SCN4A: variants seen among roughly 807,000 people sequenced by gnomAD.
The protein encoded by SCN4A is sodium voltage-gated channel alpha subunit 4.
SCN4A carries 83 observed loss-of-function variants against 162.0 expected under a neutral mutation model. The observed-to-expected ratio is 0.51, with a 90% CI of 0.43 to 0.61. The LOEUF (loss-of-function observed/expected upper bound fraction) is 0.61, where lower values mean the gene tolerates loss of function less well. Ranked by LOEUF, SCN4A falls within the 20% of genes least tolerant of loss-of-function variation. SCN4A has a pLI of 0.00. For missense variants in SCN4A, 2,196 were observed against 2,462.5 expected (o/e 0.89, Z 2.29); for synonymous variants, 944 against 985.1 (o/e 0.96, Z 0.78).
chr17:63,947,008 A>AAACCC, intron 18 of SCN4A, 37 bp downstream of exon 18: 191 of 782,000 alleles, frequency 2.4e-4, no homozygotes, highest in Non-Finnish European at 2.6e-4. Context: ...CCGGTCCCCC[A>AAACCC]TCCCCAGCCC....
chr17:63,945,555 G>A lies in SCN4A; in HGVS notation c.3525C>T (p.Ser1175=), dbSNP rs750868036. ...CGGCAAACAGGTTGACACCCATGAT[G>A]CTGAAGATCAGCCAGAAGATGAGGC... ...LVCLIFWLIF[S]IMGVNLFAGK... The change falls in exon 19 of 24, where the codon AGC becomes AGT. Residue 1175 remains serine, a synonymous_variant. Coordinates refer to ENST00000435607, the MANE Select transcript of SCN4A (RefSeq NM_000334.4). The surrounding 1 kb of genome is among the most constrained non-coding windows in gnomAD (Gnocchi z 4.4). 5.6e-6 allele frequency: 9 copies of A among 1,614,020 alleles called. No individual in the cohort carries two copies. In the Admixed American group the frequency reaches 1.3e-4, roughly 24 times the overall value.
Position 63,957,149 on chromosome 17 carries a change from C to T in SCN4A, c.2376+13G>A. The T allele has an allele frequency of 6.5e-7, 1 of 1,548,962 alleles. No individual in the cohort carries two copies. ...CGGGTGAGGGCAGGGGCCACCCAGC[C>T]AGCCTCACTCACCACAAGATTGCCG... On this transcript the variant is annotated intron_variant, in intron 13 of 23. Transcript: ENST00000435607.
rs1236231890 is a variant in SCN4A at position 63,957,429 on chromosome 17, C to G, written c.2109G>C (p.Leu703=). 1.2e-6 allele frequency: 2 copies of G among 1,614,082 alleles called. No individual in the cohort carries two copies. Among genetic ancestry groups the G allele is most frequent in the Non-Finnish European group, 1.7e-6 (2 of 1,179,940 alleles). The part of the protein sequence containing the change: ...IGNSVGALGN[L]TLVLAIIVFI... The stretch of plus-strand genomic sequence containing the variant: ...ACACGATGATAGCCAGCACCAGCGT[C>G]AGGTTACCCAGCGCCCCCACTGAAT... The change falls in exon 13 of 24, where the codon CTG becomes CTC. Residue 703 remains leucine (L), a synonymous_variant. Transcript: ENST00000435607.
rs868339303 is a variant in SCN4A at position 63,951,471 on chromosome 17, G to A, written c.2806C>T (p.Pro936Ser). 1 of 1,608,308 alleles carries A rather than the reference G, an allele frequency of 6.2e-7. No homozygotes were observed. Among genetic ancestry groups the A allele is most frequent in the Non-Finnish European group, 8.5e-7 (1 of 1,175,156 alleles). The change falls in exon 14 of 24, where the codon CCC becomes TCC. Residue 936 changes from proline to serine, a missense_variant. Coordinates refer to ENST00000435607, the MANE Select transcript of SCN4A (RefSeq NM_000334.4). This position sits in a 1 kb window ranked among gnomAD's most constrained non-coding sequence, Gnocchi z 4.5. ...AAAGTGTCGGTTTCCTCCTCGGTGG[G>A]CATCTCCAGGTCGGACTCCTCGGAG... ...IASEESDLEM[P>S]TEEETDTFSE...
rs115374090 is a variant in SCN4A at position 63,968,659 on chromosome 17, A to G, written c.704-304T>C. On this transcript the variant is annotated intron_variant, in intron 5 of 23. Coordinates refer to ENST00000435607, the MANE Select transcript of SCN4A (RefSeq NM_000334.4). ...CAGCAGAGCTTAATACATGTCACTAAGTTAGCGCTGTCAAAGTGTGTTCAA... is the reference window on the plus strand; with the variant it reads ...CAGCAGAGCTTAATACATGTCACTAGGTTAGCGCTGTCAAAGTGTGTTCAA... Among the ~76,000 whole-genome samples, 80 of 152,290 alleles carry G rather than the reference A, an allele frequency of 5.3e-4. 2 individuals are homozygous for G. The highest frequency in any genetic ancestry group is 1.8e-3 in the African/African-American group (75 of 41,548).
At chr17:63,949,292 G>T in intron 15 of SCN4A, 101 bp downstream of exon 15, 2 of 1,292,836 alleles carry the variant, frequency 1.5e-6, no homozygotes, top group Non-Finnish European at 2.1e-6. Flanking sequence ...GGATGGCCAG[G>T]CAGCCCCAGG....
Position 63,945,273 on chromosome 17 carries a change from G to T in SCN4A, c.3720+87C>A. ...AGGGTGGGCGGTCCCCTAACCAGGA[G>T]TGACACTGGGGTTGGGTACAACGAG... On this transcript the variant is annotated intron_variant, in intron 19 of 23. Coordinates refer to ENST00000435607, the MANE Select transcript of SCN4A (RefSeq NM_000334.4). The surrounding 1 kb of genome is among the most constrained non-coding windows in gnomAD (Gnocchi z 4.4). The T allele has an allele frequency of 8.0e-7, 1 of 1,245,120 alleles. No individual in the cohort carries two copies. The highest frequency in any genetic ancestry group is 1.4e-5 in the South Asian group (1 of 73,484). The allele number at this position is 1,245,120 out of a possible 1,614,324, so 77.1% of individuals were successfully genotyped here.
chr17:63,940,750 G>A lies in SCN4A; in HGVS notation c.*21C>T. On this transcript the variant is annotated 3_prime_UTR_variant, in exon 24 of 24. Transcript: ENST00000435607. ...TCTGGGGACTATGCCGAGACTCAGT[G>A]GGCCACCCCGATGCTGCCTGCTAGA... The A allele has an allele frequency of 6.5e-7, 1 of 1,537,784 alleles. No individual in the cohort carries two copies. The highest frequency in any genetic ancestry group is 8.8e-7 in the Non-Finnish European group (1 of 1,141,588).
intron 13 of SCN4A, among the ~76,000 whole-genome samples, chr17:63,956,472 A>G (rs1345022187): frequency 6.6e-6 from 1 of 152,048 alleles, no homozygotes; most frequent in Non-Finnish European, 1.5e-5. Context: ...GCTGGTCTTG[A>G]ACTCCTGGCC....
Position 63,951,652 on chromosome 17 carries a change from G to A in SCN4A, c.2625C>T (p.Pro875=), listed in dbSNP as rs533858326. The A allele has an allele frequency of 4.4e-6, 7 of 1,602,088 alleles. 1 individual carries two copies. The East Asian group carries it at 6.8e-5, about 16-fold the overall frequency. The change falls in exon 14 of 24, where the codon CCC becomes CCT. Residue 875 remains proline, a synonymous_variant. Transcript: ENST00000435607. This position sits in a 1 kb window ranked among gnomAD's most constrained non-coding sequence, Gnocchi z 4.5. ...GEAGEAGETA[P]EDEKKEPPEE... ...CGGGCGGCTCCTTCTTCTCATCCTC[G>A]GGGGCAGTCTCCCCCGCCTCTCCAG...
chr17:63,957,559 C>G (rs1160648363), intron 12 of SCN4A, 41 bp from the exon 13 acceptor site: 6 of 1,439,102 alleles, frequency 4.2e-6, no homozygotes, highest in Non-Finnish European at 5.8e-6. Context: ...GGCCCAGGGA[C>G]CACCACCCAA....
chr17:63,958,014 A>AAAAAAAG (rs2083903617), intron 12 of SCN4A, among the ~76,000 whole-genome samples: 1 of 150,668 alleles, frequency 6.6e-6, no homozygotes, highest in African/African-American at 2.5e-5. Context: ...AAAAAAAAAA[A>AAAAAAAG]AAAAAGAAAA....
chr17:63,951,225 C>G lies in SCN4A; in HGVS notation c.2853+199G>C, dbSNP rs533895286. Among the ~76,000 whole-genome samples the G allele has an allele frequency of 3.9e-5, 6 of 152,208 alleles. No individual in the cohort carries two copies. The highest frequency in any genetic ancestry group is 8.8e-5 in the Non-Finnish European group (6 of 68,032). On this transcript the variant is annotated intron_variant, in intron 14 of 23. Coordinates refer to ENST00000435607, the MANE Select transcript of SCN4A (RefSeq NM_000334.4). This position sits in a 1 kb window ranked among gnomAD's most constrained non-coding sequence, Gnocchi z 4.5. ...TTGATCATAATAACCACATCAATAA[C>G]GATAGTGACTGCCACCACTCACAGG...
rs564134251 is a variant in SCN4A, at chr17:63,959,337, G to T, written c.1947C>A (p.Ile649=). The T allele has an allele frequency of 5.6e-6, 9 of 1,613,850 alleles. No individual in the cohort carries two copies. The highest frequency in any genetic ancestry group is 7.6e-6 in the Non-Finnish European group (9 of 1,179,866). The change falls in exon 12 of 24, where the codon ATC becomes ATA. Residue 649 remains isoleucine (I), a synonymous_variant. Coordinates refer to ENST00000435607, the MANE Select transcript of SCN4A (RefSeq NM_000334.4). ...QQGWNIFDSI[I]VTLSLVELGL... is the part of the protein sequence containing the mutation. ...CTAGCTCTACCAGGCTGAGGGTGAC[G>T]ATGATGCTGTCGAAGATATTCCAAC...
intron 17 of SCN4A, 136 bp downstream of exon 17, chr17:63,947,754 G>C: frequency 2.5e-6 from 2 of 807,486 alleles, no homozygotes; most frequent in Non-Finnish European, 3.8e-6. Context: ...TGTCTGAGAA[G>C]GGCAGCACTG....
intron 15 of SCN4A, 138 bp from the exon 16 acceptor site, chr17:63,948,903 C>G (rs1194935891): frequency 4.3e-6 from 3 of 699,246 alleles, no homozygotes; most frequent in African/African-American, 1.8e-5. Context: ...CACCTCCTCC[C>G]TCACCCAGCT....
chr17:63,963,776 G>T lies in SCN4A; in HGVS notation c.1502C>A (p.Ala501Asp). The T allele has an allele frequency of 6.2e-7, 1 of 1,607,890 alleles. No homozygotes were observed. Among genetic ancestry groups the T allele is most frequent in the South Asian group, 1.1e-5 (1 of 89,610 alleles). Residue 501 changes from alanine (A) to aspartate (D), a missense_variant, in exon 10 of 24, where the codon GCC (alanine) becomes GAC (aspartate). Ala to Asp is a moderately radical substitution (Grantham distance 126). Transcript: ENST00000435607. Reference sequence around the variant, plus strand: ...GCTGCCATTGCAGTCTTTGCCATGGGCTGGGTCCCCATCTGCCTCCCCACC... The same window carrying T: ...GCTGCCATTGCAGTCTTTGCCATGGTCTGGGTCCCCATCTGCCTCCCCACC... ...LEGGEADGDP[A>D]HGKDCNGSLD...
At chr17:63,958,488 G>A (rs1351929344) in intron 12 of SCN4A, among the ~76,000 whole-genome samples, 3 of 152,230 alleles carry the variant, frequency 2.0e-5, no homozygotes, top group Non-Finnish European at 2.9e-5. Context: ...TGATAGGTAC[G>A]TGGAGGTTCA....
rs758639516 is a variant in SCN4A, at chr17:63,971,262, G to T, written c.612-9C>A. On this transcript the variant is annotated splice_polypyrimidine_tract_variant and intron_variant, in intron 4 of 23. Transcript: ENST00000435607. ...CAAACTCTGTCAGGTACCTGGGTAG[G>T]GGGTGGAGGGGGGTGGGGACTGTCA... 2 of 1,466,638 alleles carry T rather than the reference G, an allele frequency of 1.4e-6. No homozygotes were observed. The highest frequency in any genetic ancestry group is 1.2e-5 in the South Asian group (1 of 82,550). The allele number at this position is 1,466,638 out of a possible 1,614,324, so 90.9% of individuals were successfully genotyped here.
Sources: gnomAD v4.1 joint callset for allele counts (sites outside exome capture counted in the v4.1 genomes callset) on GRCh38, gnomAD v4.1.1 for gene constraint, Gnocchi (gnomAD v3.1) non-coding constraint, MANE v1.5 for transcripts, NCBI Gene and HGNC (gene_info 2026-07-23, HGNC 2026-07-21) for gene names.